The following EDIL3 variants were observed in gnomAD, a reference collection of about 807,000 sequenced individuals.
EDIL3 encodes EGF like and discoidin domains 3, also known as EGF-like repeat and discoidin I-like domain-containing protein 3.
EDIL3 carries 37 observed loss-of-function variants against 67.4 expected under a neutral mutation model. The ratio of observed to expected loss-of-function variants is 0.55; its 90% CI spans 0.42 to 0.72. The LOEUF is 0.72. Among genes scored for constraint, EDIL3 ranks in the 30% least tolerant of loss-of-function variants. EDIL3 has a pLI of 0.00. For missense variants in EDIL3, 527 were observed against 586.3 expected, an observed-to-expected ratio of 0.90 and a Z score of 1.04; for synonymous variants, 195 against 196.3, an observed-to-expected ratio of 0.99 and a Z score of 0.05.
At chr5:84,297,775 C>T (rs1329050368) in intron 1 of EDIL3, among the ~76,000 whole-genome samples, 1 of 152,180 alleles carries the variant, frequency 6.6e-6, no homozygotes, top group Non-Finnish European at 1.5e-5. Context: ...AGCAGTTTCT[C>T]TGCTACTTGA....
At chr5:83,972,030 C>T (rs932050531) in intron 9 of EDIL3, among the ~76,000 whole-genome samples, 2 of 152,072 alleles carry the variant, frequency 1.3e-5, no homozygotes, top group African/African-American at 4.8e-5. Context: ...ACAATGTTGT[C>T]AATCTTCTCT....
At chr5:84,286,175 G>T (rs1447198000) in intron 1 of EDIL3, among the ~76,000 whole-genome samples, 2 of 152,128 alleles carry the variant, frequency 1.3e-5, no homozygotes, top group Admixed American at 6.6e-5. Context: ...AGCATAGGCA[G>T]TAGATTGCAG....
intron 9 of EDIL3, among the ~76,000 whole-genome samples, chr5:83,970,643 GTATATATATATA>G (rs70975530): frequency 0.34 from 38,908 of 115,970 alleles, 6,649 homozygotes; most frequent in South Asian, 0.39. Context: ...TAGGATCACA[GTATATATATATA>G]TATATATATA....
chr5:84,078,619 G>A (rs1423174843), intron 6 of EDIL3: 1 of 152,156 alleles, frequency 6.6e-6, no homozygotes, highest in Non-Finnish European at 1.5e-5. Flanking sequence ...TAAATGGCAA[G>A]ATACCTTACC....
chr5:84,368,492 A>G (rs963161852), intron 1 of EDIL3, among the ~76,000 whole-genome samples: 1 of 152,178 alleles, frequency 6.6e-6, no homozygotes, highest in Non-Finnish European at 1.5e-5. Context: ...AAATAGATCA[A>G]ATATAAATCT....
At chr5:84,177,961 A>T (rs1207008713) in intron 4 of EDIL3, among the ~76,000 whole-genome samples, 3 of 152,154 alleles carry the variant, frequency 2.0e-5, no homozygotes, top group Non-Finnish European at 4.4e-5. Flanking sequence ...TATAGGACAA[A>T]ATTTAAAAGT....
chr5:84,241,274 G>A (rs1240305818), intron 2 of EDIL3, among the ~76,000 whole-genome samples: 4 of 152,190 alleles, frequency 2.6e-5, no homozygotes, highest in Non-Finnish European at 5.9e-5. Flanking sequence ...TTAAATGGAA[G>A]ATCCTAATGT....
intron 10 of EDIL3, among the ~76,000 whole-genome samples, chr5:83,946,304 G>A (rs4425482): frequency 0.97 from 147,281 of 151,980 alleles, 71,363 homozygotes; most frequent in East Asian, 1. Flanking sequence ...GAGGCTAATT[G>A]GCTGATCACA....
At chr5:84,265,365 A>T (rs1745325679) in intron 1 of EDIL3, among the ~76,000 whole-genome samples, 2 of 152,196 alleles carry the variant, frequency 1.3e-5, no homozygotes, top group African/African-American at 2.4e-5. Context: ...GCCAAACTTG[A>T]CTGTATATGC....
intron 1 of EDIL3, among the ~76,000 whole-genome samples, chr5:84,326,791 G>GT (rs899113527): frequency 3.3e-5 from 5 of 150,892 alleles, no homozygotes; most frequent in East Asian, 3.9e-4. Flanking sequence ...CTTTAATATT[G>GT]TTTTTTTTCT....
At chr5:84,264,626 C>CT (rs1722916208) in intron 1 of EDIL3, among the ~76,000 whole-genome samples, 1 of 152,162 alleles carries the variant, frequency 6.6e-6, no homozygotes, top group South Asian at 2.1e-4. Context: ...GCTTACTGAA[C>CT]TTTACGCTTT....
intron 1 of EDIL3, among the ~76,000 whole-genome samples, chr5:84,307,501 A>G (rs1021129873): frequency 4.6e-5 from 7 of 152,238 alleles, no homozygotes; most frequent in South Asian, 2.1e-4. Context: ...AAAATAAACA[A>G]TAAAAATCAG....
chr5:84,019,817 C>G (rs994731349), intron 9 of EDIL3, among the ~76,000 whole-genome samples: 1 of 151,980 alleles, frequency 6.6e-6, no homozygotes, highest in African/African-American at 2.4e-5. Context: ...ATGAGCTAAT[C>G]TCGCTGGTTC....
chr5:84,140,499 A>G (rs1046860507), intron 4 of EDIL3, among the ~76,000 whole-genome samples: 6 of 152,138 alleles, frequency 3.9e-5, no homozygotes, highest in African/African-American at 1.4e-4. Flanking sequence ...TTCCAGTTAT[A>G]GGCTCATCAG....
intron 9 of EDIL3, 32 bp downstream of exon 9, chr5:84,060,268 G>A: frequency 6.2e-7 from 1 of 1,607,342 alleles, no homozygotes; most frequent in Non-Finnish European, 8.5e-7. Context: ...AAGAGGAACA[G>A]TGGGTAGTGA....
At chr5:84,219,166 A>T (rs1018711143) in intron 3 of EDIL3, among the ~76,000 whole-genome samples, 37 of 152,132 alleles carry the variant, frequency 2.4e-4, no homozygotes, top group African/African-American at 8.9e-4. Context: ...AGAGAGAGAG[A>T]GACTGCGTTT....
intron 10 of EDIL3, among the ~76,000 whole-genome samples, chr5:83,954,848 T>C (rs1580250615): frequency 6.6e-6 from 1 of 151,940 alleles, no homozygotes; most frequent in East Asian, 2.0e-4. Context: ...TTTTTTCTAT[T>C]CAAAATGCTA....
At position 84,384,527 on chromosome 5, in the gene EDIL3, T is replaced by G; in HGVS notation, c.-153A>C. On this transcript the variant is annotated 5_prime_UTR_variant, in exon 1 of 11. Transcript: ENST00000296591. The stretch of plus-strand genomic sequence containing the variant: ...CCTCAGCGCTTTGTTAAACAAATTC[T>G]TGGAGAGGGCGAGAGTGGTGACTAA... 1.4e-6 allele frequency: 1 copy of G among 692,170 alleles called. No homozygotes were observed. The highest frequency in any genetic ancestry group is 2.4e-6 in the Non-Finnish European group (1 of 420,626). The allele number at this position is 692,170 out of a possible 1,614,324, so 42.9% of individuals were successfully genotyped here. A position where few individuals can be genotyped will look rare whatever the true frequency, so the allele number is the denominator to read the frequency against.
intron 2 of EDIL3, among the ~76,000 whole-genome samples, chr5:84,244,275 G>A (rs917626504): frequency 6.6e-6 from 1 of 151,956 alleles, no homozygotes; most frequent in Non-Finnish European, 1.5e-5. Flanking sequence ...AAACACTTAT[G>A]TATTTATTTA....
Sources: allele counts gnomAD v4.1 joint callset (sites outside exome capture counted in the v4.1 genomes callset), GRCh38; gene constraint gnomAD v4.1.1; transcripts MANE v1.5; gene names NCBI Gene and HGNC (gene_info 2026-07-23, HGNC 2026-07-21).